The following ADHFE1 variants were observed in gnomAD, a reference collection of about 807,000 sequenced individuals.
The protein encoded by ADHFE1 is alcohol dehydrogenase iron containing 1.
ADHFE1 carries 37 observed loss-of-function variants against 54.8 expected under a neutral mutation model. The ratio of observed to expected loss-of-function variants is 0.68; its 90% CI spans 0.52 to 0.89. The LOEUF is 0.89. Ranked by LOEUF, ADHFE1 falls within the 40% of genes least tolerant of loss-of-function variation. ADHFE1 has a pLI of 0.00. For missense variants in ADHFE1, 601 were observed against 591.2 expected (o/e 1.02, Z -0.17); for synonymous variants, 203 against 229.3 (o/e 0.89, Z 1.04).
intron 6 of ADHFE1, among the ~76,000 whole-genome samples, 171 bp downstream of exon 6, chr8:66,445,585 A>G (rs1053618459): frequency 6.6e-6 from 1 of 152,206 alleles, no homozygotes; most frequent in Non-Finnish European, 1.5e-5. Flanking sequence ...TCTGATCTTC[A>G]TTATTGTATA....
intron 10 of ADHFE1, 35 bp downstream of exon 10, chr8:66,454,192 G>C (rs757607269): frequency 1.9e-6 from 3 of 1,601,210 alleles, no homozygotes; most frequent in African/African-American, 2.7e-5. Context: ...CTTTACTCAA[G>C]CTATTGCTTT....
chr8:66,460,079 A>G, intron 12 of ADHFE1: 1 of 514,958 alleles, frequency 1.9e-6, no homozygotes, highest in Non-Finnish European at 3.5e-6. Context: ...TCTTCTTCCT[A>G]CCACACAAGG....
chr8:66,435,292 A>T (rs1805404213), intron 1 of ADHFE1, among the ~76,000 whole-genome samples: 1 of 152,170 alleles, frequency 6.6e-6, no homozygotes, highest in Admixed American at 6.5e-5. Flanking sequence ...ACAGTTCCAG[A>T]GGTCAAAAGT....
At chr8:66,434,786 G>A (rs1805377971) in intron 1 of ADHFE1, among the ~76,000 whole-genome samples, 1 of 152,230 alleles carries the variant, frequency 6.6e-6, no homozygotes, top group Admixed American at 6.5e-5. Context: ...GAGGTTGTGG[G>A]AAGGCCCTGG....
chr8:66,461,795 T>C (rs1806913323), intron 13 of ADHFE1, among the ~76,000 whole-genome samples: 1 of 152,064 alleles, frequency 6.6e-6, no homozygotes, highest in Non-Finnish European at 1.5e-5. Flanking sequence ...ACAAATGAAA[T>C]GTAGTCCGTG....
intron 1 of ADHFE1, 65 bp downstream of exon 1, chr8:66,432,640 C>A: frequency 7.9e-7 from 1 of 1,260,168 alleles, no homozygotes; most frequent in Non-Finnish European, 1.0e-6. Flanking sequence ...CTGGGTGTGA[C>A]CCGCTCAGAT....
intron 13 of ADHFE1, among the ~76,000 whole-genome samples, chr8:66,467,121 C>T (rs577429936): frequency 5.3e-4 from 80 of 152,284 alleles, no homozygotes; most frequent in Admixed American, 5.2e-3. Context: ...GCTTCTCAAG[C>T]TGGACAGGCG....
At chr8:66,461,747 A>G (rs1806911253) in intron 13 of ADHFE1, among the ~76,000 whole-genome samples, 1 of 151,892 alleles carries the variant, frequency 6.6e-6, no homozygotes, top group Non-Finnish European at 1.5e-5. Context: ...AAAATCAGCA[A>G]TCCGGATGTT....
Position 66,439,850 on chromosome 8 carries a change from C to A in ADHFE1, c.60-312C>A. On this transcript the variant is annotated intron_variant, in intron 1 of 13. Transcript: ENST00000396623. The surrounding 1 kb of genome is among the most constrained non-coding windows in gnomAD (Gnocchi z 4.4). Reference sequence around the variant, plus strand: ...CTGGGGCTTCATGGAGACCAGAGACCCCCATCTTAAACTTGCATGTACCCC... The same window carrying A: ...CTGGGGCTTCATGGAGACCAGAGACACCCATCTTAAACTTGCATGTACCCC... 1.0e-6 allele frequency: 1 copy of A among 1,003,882 alleles called. No homozygotes were observed. The highest frequency in any genetic ancestry group is 1.3e-6 in the Non-Finnish European group (1 of 790,652). 62.2% of individuals were successfully genotyped at this position (1,003,882 alleles called of 1,614,324 possible).
chr8:66,452,942 G>A (rs1018122404), intron 9 of ADHFE1, among the ~76,000 whole-genome samples: 2 of 152,244 alleles, frequency 1.3e-5, no homozygotes, highest in African/African-American at 2.4e-5. Context: ...AGGCCTAGAC[G>A]TGAGCACGGT....
intron 13 of ADHFE1, among the ~76,000 whole-genome samples, chr8:66,466,537 T>C (rs1445140631): frequency 7.9e-6 from 1 of 126,752 alleles, no homozygotes; most frequent in Non-Finnish European, 1.6e-5. Flanking sequence ...TTCTTTTCAT[T>C]CCTTTTACCA....
At position 66,456,803 on chromosome 8, in the gene ADHFE1, T is replaced by G. The variant is rs1472959975; in HGVS notation, c.987-14T>G. On this transcript the variant is annotated splice_polypyrimidine_tract_variant and intron_variant, in intron 10 of 13. Coordinates refer to ENST00000396623, the MANE Select transcript of ADHFE1 (RefSeq NM_144650.3). ...TAACTGTGTATGAACATAAGGATTT[T>G]CTTTCTTTTCTAGCCATGGAATGTC... 6.3e-7 allele frequency: 1 copy of G among 1,595,186 alleles called. No individual in the cohort carries two copies. The highest frequency in any genetic ancestry group is 1.7e-5 in the Admixed American group (1 of 59,332).
At chr8:66,463,721 A>G (rs531849081) in intron 13 of ADHFE1, among the ~76,000 whole-genome samples, 12 of 152,342 alleles carry the variant, frequency 7.9e-5, no homozygotes, top group Admixed American at 6.5e-4. Flanking sequence ...GATTTAAGGT[A>G]GTGAGAAGAA....
At chr8:66,455,771 A>C (rs1806550689) in intron 10 of ADHFE1, among the ~76,000 whole-genome samples, 1 of 152,106 alleles carries the variant, frequency 6.6e-6, no homozygotes, top group African/African-American at 2.4e-5. Context: ...GAAAATACAA[A>C]AATTAGCCAA....
chr8:66,444,319 G>T, intron 3 of ADHFE1, 48 bp from the exon 4 acceptor site: 1 of 1,573,734 alleles, frequency 6.4e-7, no homozygotes, highest in Non-Finnish European at 8.7e-7. Context: ...AAATGGACTG[G>T]CCAACTCTCA....
intron 2 of ADHFE1, among the ~76,000 whole-genome samples, chr8:66,441,199 T>C (rs1039998795): frequency 6.6e-6 from 1 of 152,272 alleles, no homozygotes; most frequent in African/African-American, 2.4e-5. Flanking sequence ...TCCAGGATCA[T>C]ATTTATGTCT....
Position 66,445,280 on chromosome 8 carries a change from G to A in ADHFE1, c.416G>A (p.Gly139Asp), listed in dbSNP as rs560317327. 2 of 1,613,656 alleles carry A rather than the reference G, an allele frequency of 1.2e-6. No homozygotes were observed. The highest frequency in any genetic ancestry group is 1.7e-6 in the Non-Finnish European group (2 of 1,179,952). Residue 139 changes from glycine (G) to aspartate (D), a missense_variant, in exon 6 of 14, where the codon GGT becomes GAT. Transcript: ENST00000396623. ...TTTGATGCCTATGTTGCTGTCGGTG[G>A]TGGCTCTACCATGGACACCTGTAAG... ...GAFDAYVAVG[G>D]GSTMDTCKAA...
In ADHFE1 at chr8:66,432,549, C is replaced by A; in HGVS notation, c.33C>A (p.Tyr11Ter). The change falls in exon 1 of 14, where the codon TAC becomes TAA. Residue 11 changes from tyrosine (Y) to a stop codon, truncating the protein, a stop_gained. Coordinates refer to ENST00000396623, the MANE Select transcript of ADHFE1 (RefSeq NM_144650.3). LOFTEE classifies it high-confidence loss of function. Reference protein sequence around the residue: MAAAARARVAYLLRQLQRAAC... With the variant: MAAAARARVA ...CTGCCGCCCGAGCCCGGGTCGCGTA[C>A]TTGCTGAGGCAACTGCAACGCGCAG... is the stretch of plus-strand genomic sequence containing the variant. 1 of 1,356,458 alleles carries A rather than the reference C, an allele frequency of 7.4e-7. No individual in the cohort carries two copies. The highest frequency in any genetic ancestry group is 9.6e-7 in the Non-Finnish European group (1 of 1,044,322). 84.0% of individuals were successfully genotyped at this position (1,356,458 alleles called of 1,614,324 possible). A position where few individuals can be genotyped will look rare whatever the true frequency, so the allele number is the denominator to read the frequency against.
intron 1 of ADHFE1, 88 bp from the exon 2 acceptor site, chr8:66,440,074 C>T: frequency 7.8e-7 from 1 of 1,277,404 alleles, no homozygotes; most frequent in Non-Finnish European, 1.1e-6. Flanking sequence ...TAGCACTAGA[C>T]TGCAATGTGA....
Sources: allele counts gnomAD v4.1 joint callset (sites outside exome capture counted in the v4.1 genomes callset), GRCh38; gene constraint gnomAD v4.1.1; non-coding constraint Gnocchi (gnomAD v3.1); transcripts MANE v1.5; gene names NCBI Gene and HGNC (gene_info 2026-07-23, HGNC 2026-07-21).